Variants in AGBL4 observed in about 807,000 individuals in gnomAD.
AGBL4 encodes the protein AGBL carboxypeptidase 4.
AGBL4 carries 58 observed loss-of-function variants against 66.4 expected under a neutral mutation model. The observed-to-expected ratio is 0.87, with a 90% CI of 0.71 to 1.09. The LOEUF (loss-of-function observed/expected upper bound fraction) is 1.09. AGBL4 is among the 50% of genes least tolerant of loss of function. The pLI is 0.00. For missense variants in AGBL4, 579 were observed against 631.0 expected, an observed-to-expected ratio of 0.92 and a Z score of 0.88; for synonymous variants, 234 against 222.9, an observed-to-expected ratio of 1.05 and a Z score of -0.44.
intron 3 of AGBL4, among the ~76,000 whole-genome samples, chr1:49,561,736 T>G (rs1032020588): frequency 6.6e-6 from 1 of 152,166 alleles, no homozygotes; most frequent in African/African-American, 2.4e-5. Flanking sequence ...GTTCCAAGTC[T>G]TTGCTATTGT....
chr1:48,598,675 G>T (rs1243623445), intron 9 of AGBL4, among the ~76,000 whole-genome samples: 2 of 152,124 alleles, frequency 1.3e-5, no homozygotes, highest in Non-Finnish European at 2.9e-5. Context: ...TACTCAGGAG[G>T]CTGAGGCAGG....
At chr1:48,548,834 G>A (rs1454960477) in intron 11 of AGBL4, among the ~76,000 whole-genome samples, 1 of 152,196 alleles carries the variant, frequency 6.6e-6, no homozygotes, top group Non-Finnish European at 1.5e-5. Flanking sequence ...GAAGTCACTT[G>A]TCTGATGAGT....
chr1:49,267,419 G>A (rs1227076499), intron 3 of AGBL4, among the ~76,000 whole-genome samples: 3 of 152,106 alleles, frequency 2.0e-5, no homozygotes, highest in Non-Finnish European at 2.9e-5. Context: ...GGTGGCTCAC[G>A]CCTATAATCC....
At chr1:49,723,477 A>C (rs181527833) in intron 2 of AGBL4, among the ~76,000 whole-genome samples, 5 of 152,158 alleles carry the variant, frequency 3.3e-5, no homozygotes, top group Non-Finnish European at 4.4e-5. Flanking sequence ...TATCTGTACA[A>C]CTTTATCTAC....
intron 6 of AGBL4, among the ~76,000 whole-genome samples, chr1:48,843,250 A>G (rs1052322449): frequency 1.3e-5 from 2 of 152,188 alleles, no homozygotes; most frequent in Admixed American, 1.3e-4. Context: ...ATTTTGGAAC[A>G]ACAATGATTG....
At chr1:49,520,751 T>C (rs1422438313) in intron 3 of AGBL4, among the ~76,000 whole-genome samples, 2 of 151,776 alleles carry the variant, frequency 1.3e-5, no homozygotes, top group Middle Eastern at 6.8e-3. Flanking sequence ...CTATTGAAAA[T>C]AGAGTGCCAC....
chr1:48,846,395 A>AAG (rs907740211), intron 6 of AGBL4, among the ~76,000 whole-genome samples: 2 of 151,478 alleles, frequency 1.3e-5, no homozygotes, highest in African/African-American at 4.8e-5. Flanking sequence ...GAAAGAAAGA[A>AAG]AGAAAGAAAG....
chr1:49,877,096 G>A (rs369875356), intron 1 of AGBL4, among the ~76,000 whole-genome samples: 31 of 151,514 alleles, frequency 2.0e-4, no homozygotes, highest in South Asian at 8.3e-4. Flanking sequence ...CAATCATGTC[G>A]TCTGCAAACA....
intron 4 of AGBL4, among the ~76,000 whole-genome samples, chr1:49,162,104 A>G (rs1646552066): frequency 6.6e-6 from 1 of 152,188 alleles, no homozygotes; most frequent in Non-Finnish European, 1.5e-5. Context: ...AGATTGTGAT[A>G]ATATATGTTA....
chr1:49,033,444 G>A (rs912850773), intron 5 of AGBL4, among the ~76,000 whole-genome samples: 13 of 152,046 alleles, frequency 8.6e-5, no homozygotes, highest in Non-Finnish European at 1.8e-4. Flanking sequence ...ATATCAAGGC[G>A]GAAAAAGAAG....
At chr1:48,754,215 C>T (rs1156426150) in intron 6 of AGBL4, among the ~76,000 whole-genome samples, 2 of 152,138 alleles carry the variant, frequency 1.3e-5, no homozygotes, top group Admixed American at 6.5e-5. Context: ...CCAAGAGAGA[C>T]CCTAGAATTT....
chr1:49,177,839 A>C (rs1646860138), intron 4 of AGBL4, among the ~76,000 whole-genome samples: 1 of 152,186 alleles, frequency 6.6e-6, no homozygotes, highest in Admixed American at 6.5e-5. Context: ...GTTATCACTG[A>C]GATGGGTGGG....
intron 6 of AGBL4, among the ~76,000 whole-genome samples, chr1:48,855,837 A>G (rs945301337): frequency 2.0e-5 from 3 of 152,200 alleles, no homozygotes; most frequent in Non-Finnish European, 4.4e-5. Flanking sequence ...ATGCTCATAG[A>G]TCTGGTAATT....
intron 4 of AGBL4, among the ~76,000 whole-genome samples, chr1:49,075,378 A>G (rs557214536): frequency 7.9e-5 from 12 of 152,290 alleles, no homozygotes; most frequent in African/African-American, 2.9e-4. Flanking sequence ...CAAGGAACTG[A>G]TTTATCTTAT....
intron 3 of AGBL4, among the ~76,000 whole-genome samples, chr1:49,688,383 A>T (rs1008949511): frequency 3.9e-5 from 6 of 152,158 alleles, no homozygotes; most frequent in Admixed American, 1.3e-4. Context: ...CTCCAGTTCC[A>T]TCCATGTTGT....
At chr1:48,554,720 T>A (rs186448985) in intron 11 of AGBL4, among the ~76,000 whole-genome samples, 8 of 152,262 alleles carry the variant, frequency 5.3e-5, no homozygotes, top group Admixed American at 1.3e-4. Context: ...CTGTGCTAGT[T>A]TCATTTATTA....
chr1:49,824,178 A>G (rs1258593158), intron 2 of AGBL4, among the ~76,000 whole-genome samples: 1 of 152,190 alleles, frequency 6.6e-6, no homozygotes, highest in African/African-American at 2.4e-5. Flanking sequence ...ATTGCACTCC[A>G]GCCTGGGCAA....
chr1:49,486,521 C>T (rs1462160665), intron 3 of AGBL4, among the ~76,000 whole-genome samples: 1 of 151,932 alleles, frequency 6.6e-6, no homozygotes, highest in Non-Finnish European at 1.5e-5. Flanking sequence ...ACCTTGTGGT[C>T]CTTAGCTCTC....
chr1:49,247,327 T>C (rs1031463869), intron 3 of AGBL4, among the ~76,000 whole-genome samples: 1 of 152,086 alleles, frequency 6.6e-6, no homozygotes, highest in Non-Finnish European at 1.5e-5. Flanking sequence ...TGAAATAAGC[T>C]TTTAGGGATA....
Sources: gnomAD v4.1 joint callset for allele counts (sites outside exome capture counted in the v4.1 genomes callset) on GRCh38, gnomAD v4.1.1 for gene constraint, MANE v1.5 for transcripts, NCBI Gene and HGNC (gene_info 2026-07-23, HGNC 2026-07-21) for gene names.